DIAPH2: variants seen among roughly 807,000 people sequenced by gnomAD.
DIAPH2 encodes the protein protein diaphanous homolog 2.
A neutral mutation model predicts 92.7 loss-of-function variants in DIAPH2; 35 were observed. That is an observed-to-expected ratio of 0.38 (90% confidence interval 0.29 to 0.50). DIAPH2 has a LOEUF of 0.50. Ranked by LOEUF, DIAPH2 falls within the 20% of genes least tolerant of loss-of-function variation. DIAPH2 has a pLI of 0.94. For synonymous variants in DIAPH2, 301 were observed against 280.4 expected (o/e 1.07, Z -0.73); for missense variants, 701 against 819.5 (o/e 0.86, Z 1.77).
chrX:97,518,786 C>A (rs2070969926), intron 26 of DIAPH2, among the ~76,000 whole-genome samples: 1 of 110,695 alleles, frequency 9.0e-6, no homozygotes, highest in East Asian at 2.8e-4. Flanking sequence ...TATTCTTAAT[C>A]TTTTCTCTGT....
At chrX:97,477,771 T>C (rs185782677) in intron 26 of DIAPH2, among the ~76,000 whole-genome samples, 171 of 111,937 alleles carry the variant, frequency 1.5e-3, no homozygotes, top group African/African-American at 5.3e-3. Context: ...AAATAATTAC[T>C]AAATTGAAGT....
At chrX:96,691,936 T>A (rs910561868) in intron 1 of DIAPH2, among the ~76,000 whole-genome samples, 1 of 112,046 alleles carries the variant, frequency 8.9e-6, no homozygotes, top group Non-Finnish European at 1.9e-5. Flanking sequence ...TTGGGTACAA[T>A]CCTTTTTAAA....
chrX:96,724,609 C>T (rs2064009971), intron 1 of DIAPH2, among the ~76,000 whole-genome samples: 1 of 111,488 alleles, frequency 9.0e-6, no homozygotes, highest in South Asian at 3.8e-4. Flanking sequence ...CCTTTGTTGG[C>T]ATCAGCAAAG....
At chrX:97,337,130 CT>C (rs374498749) in intron 23 of DIAPH2, among the ~76,000 whole-genome samples, 6,779 of 98,782 alleles carry the variant, frequency 0.069, 260 homozygotes, top group African/African-American at 0.15. Flanking sequence ...TCTTTCTTTT[CT>C]TTTTTTTTTT....
At chrX:97,586,356 T>G (rs1343214015) in intron 26 of DIAPH2, among the ~76,000 whole-genome samples, 1 of 111,924 alleles carries the variant, frequency 8.9e-6, no homozygotes, top group East Asian at 2.8e-4. Context: ...ACTCCTTTTC[T>G]TTAATTTTAG....
Position 97,073,081 on chromosome X carries a change from G to A in DIAPH2, c.2152+39G>A, listed in dbSNP as rs1318886878. On this transcript the variant is annotated intron_variant, in intron 18 of 26. Transcript: ENST00000324765. ...TCTTCGTAGGATTGGTATAGGTAAC[G>A]GTGAGAGGGGTGGGAGCTGTTTAAT... The A allele has an allele frequency of 2.0e-5, 18 of 896,897 alleles. 1 individual carries two copies. In the Middle Eastern group the frequency reaches 8.1e-4, roughly 40 times the overall value. The allele number at this position is 896,897 out of a possible 1,213,427, so 73.9% of individuals were successfully genotyped here. A position where few individuals can be genotyped will look rare whatever the true frequency, so the allele number is the denominator to read the frequency against.
chrX:97,150,643 C>G (rs1053465213), intron 22 of DIAPH2, among the ~76,000 whole-genome samples: 2 of 111,842 alleles, frequency 1.8e-5, no homozygotes, highest in Non-Finnish European at 3.8e-5. Flanking sequence ...GCTTCTCCAA[C>G]TATTCTACCT....
chrX:97,490,637 A>AT (rs1208229118), intron 26 of DIAPH2, among the ~76,000 whole-genome samples: 6 of 103,661 alleles, frequency 5.8e-5, no homozygotes, highest in Admixed American at 1.0e-4. Context: ...ATATTTTCTA[A>AT]TTTTTTTTTT....
chrX:96,712,254 G>A (rs989574839), intron 1 of DIAPH2, among the ~76,000 whole-genome samples: 3 of 111,257 alleles, frequency 2.7e-5, no homozygotes, highest in Non-Finnish European at 5.7e-5. Flanking sequence ...TCTGAAAAAC[G>A]TTGTTGCTCC....
At chrX:96,994,546 T>C (rs1208862133) in intron 17 of DIAPH2, among the ~76,000 whole-genome samples, 2 of 111,710 alleles carry the variant, frequency 1.8e-5, no homozygotes, top group Admixed American at 9.5e-5. Context: ...ATGTATGGAA[T>C]TTAAAACCAT....
intron 26 of DIAPH2, among the ~76,000 whole-genome samples, chrX:97,556,379 T>C (rs1464265204): frequency 8.9e-6 from 1 of 112,373 alleles, no homozygotes; most frequent in East Asian, 2.8e-4. Context: ...CTAGAGCTGC[T>C]GTAATATATT....
At chrX:97,481,576 C>G (rs779655151) in intron 26 of DIAPH2, among the ~76,000 whole-genome samples, 4 of 111,561 alleles carry the variant, frequency 3.6e-5, no homozygotes, top group African/African-American at 1.3e-4. Flanking sequence ...GAGCCAGGGA[C>G]AGAGCCTAAG....
At chrX:96,867,904 A>G (rs2147731715) in intron 4 of DIAPH2, among the ~76,000 whole-genome samples, 1 of 112,100 alleles carries the variant, frequency 8.9e-6, no homozygotes, top group South Asian at 3.8e-4. Flanking sequence ...GTGGCAACAT[A>G]GGGTACACAC....
rs1443283483 is a variant in DIAPH2, at chrX:97,176,593, T to C, written c.2719+34799T>C. 1.4e-4 allele frequency among the ~76,000 whole-genome samples: 16 copies of C among 111,207 alleles called. No individual in the cohort carries two copies. In the Admixed American group the frequency reaches 1.5e-3, roughly 11 times the overall value. Reference sequence around the variant, plus strand: ...CCCAGGCTGGAGTGCAGTGGCGAGATCTCGGCTCCCTGCAAGCTCCGCCTC... The same window carrying C: ...CCCAGGCTGGAGTGCAGTGGCGAGACCTCGGCTCCCTGCAAGCTCCGCCTC... On this transcript the variant is annotated intron_variant, in intron 22 of 26. Coordinates refer to ENST00000324765, the MANE Select transcript of DIAPH2 (RefSeq NM_006729.5).
At chrX:97,594,222 T>G (rs2071536660) in intron 26 of DIAPH2, among the ~76,000 whole-genome samples, 1 of 110,082 alleles carries the variant, frequency 9.1e-6, no homozygotes, top group African/African-American at 3.3e-5. Flanking sequence ...CAAAAGACAC[T>G]ATTCTGGTCA....
intron 26 of DIAPH2, among the ~76,000 whole-genome samples, chrX:97,473,712 A>T (rs2070582211): frequency 8.9e-6 from 1 of 112,274 alleles, no homozygotes; most frequent in East Asian, 2.8e-4. Context: ...TGTAATCCCA[A>T]CATTTTGGGA....
intron 26 of DIAPH2, among the ~76,000 whole-genome samples, chrX:97,524,245 C>T (rs746888375): frequency 4.0e-4 from 45 of 112,005 alleles, no homozygotes; most frequent in Non-Finnish European, 7.9e-4. Context: ...ATAGTAGTTG[C>T]TCAATATTTG....
intron 19 of DIAPH2, among the ~76,000 whole-genome samples, chrX:97,093,748 G>A (rs746870233): frequency 8.9e-6 from 1 of 112,008 alleles, no homozygotes; most frequent in Non-Finnish European, 1.9e-5. Flanking sequence ...ATAGGATCAT[G>A]ACATTAGTGG....
At chrX:96,691,840 A>G (rs906007440) in intron 1 of DIAPH2, among the ~76,000 whole-genome samples, 1 of 111,881 alleles carries the variant, frequency 8.9e-6, no homozygotes, top group Non-Finnish European at 1.9e-5. Context: ...TAGGAATCCA[A>G]CACTTTATTA....
Sources: allele counts gnomAD v4.1 joint callset (sites outside exome capture counted in the v4.1 genomes callset), GRCh38; gene constraint gnomAD v4.1.1; transcripts MANE v1.5; gene names NCBI Gene and HGNC (gene_info 2026-07-23, HGNC 2026-07-21).